GAS7: variants seen among roughly 807,000 people sequenced by gnomAD.
GAS7 encodes growth arrest specific 7.
In GAS7, 28 loss-of-function variants were observed where a neutral mutation model predicts 71.1. The ratio of observed to expected loss-of-function variants is 0.39; its 90% CI spans 0.29 to 0.54. GAS7 has a LOEUF of 0.54. Ranked by LOEUF, GAS7 falls within the 20% of genes least tolerant of loss-of-function variation. GAS7 has a pLI of 0.62. For missense variants in GAS7, 436 were observed against 627.8 expected (o/e 0.69, Z 3.27); for synonymous variants, 258 against 245.8 (o/e 1.05, Z -0.46).
chr17:10,018,828 G>A (rs917938857), intron 2 of GAS7, among the ~76,000 whole-genome samples: 11 of 152,188 alleles, frequency 7.2e-5, no homozygotes, highest in Non-Finnish European at 1.3e-4. Context: ...GGAGTGAGAG[G>A]CCAAGGCTGA....
chr17:10,124,746 T>C (rs2073931580), intron 1 of GAS7, among the ~76,000 whole-genome samples: 2 of 151,946 alleles, frequency 1.3e-5, no homozygotes, highest in South Asian at 4.2e-4. Context: ...GGTGAAACCC[T>C]GTCTCTACTA....
At chr17:10,185,895 T>A (rs973407708) in intron 1 of GAS7, among the ~76,000 whole-genome samples, 1 of 151,636 alleles carries the variant, frequency 6.6e-6, no homozygotes, top group South Asian at 2.1e-4. Flanking sequence ...AGCAGAGAGT[T>A]TGGTTTTTTC....
At chr17:10,124,897 GAC>G (rs771266083) in intron 1 of GAS7, among the ~76,000 whole-genome samples, 5 of 152,042 alleles carry the variant, frequency 3.3e-5, no homozygotes, top group African/African-American at 7.3e-5. Flanking sequence ...CAGCCTGGGT[GAC>G]AGAGTGAGAA....
At chr17:10,127,127 T>C (rs766935193) in intron 1 of GAS7, among the ~76,000 whole-genome samples, 1 of 152,192 alleles carries the variant, frequency 6.6e-6, no homozygotes, top group Non-Finnish European at 1.5e-5. Context: ...CAGCTGGCCA[T>C]GTGTTCCCAA....
chr17:10,128,558 C>T (rs1303096006), intron 1 of GAS7, among the ~76,000 whole-genome samples: 1 of 152,104 alleles, frequency 6.6e-6, no homozygotes, highest in African/African-American at 2.4e-5. Flanking sequence ...TCATTACTTA[C>T]ATTTATGCAA....
chr17:10,063,866 G>A (rs143758115), intron 1 of GAS7, among the ~76,000 whole-genome samples: 5 of 152,280 alleles, frequency 3.3e-5, no homozygotes, highest in Non-Finnish European at 7.4e-5. Context: ...GGTGGTGAGG[G>A]GGGCAGAGGA....
chr17:10,074,266 A>G (rs937255250), intron 1 of GAS7, among the ~76,000 whole-genome samples: 2 of 152,026 alleles, frequency 1.3e-5, no homozygotes, highest in African/African-American at 4.8e-5. Context: ...TTTCTGCTGG[A>G]TTGATTGCAT....
chr17:9,943,343 C>T, intron 6 of GAS7, 107 bp from the exon 7 acceptor site: 2 of 722,356 alleles, frequency 2.8e-6, no homozygotes, highest in Non-Finnish European at 2.5e-6. Context: ...CAATCCCAGT[C>T]CAGCACAAGA....
intron 2 of GAS7, among the ~76,000 whole-genome samples, chr17:10,014,298 A>G (rs1597689439): frequency 6.6e-6 from 1 of 152,178 alleles, no homozygotes; most frequent in East Asian, 1.9e-4. Flanking sequence ...CTGCTGTAGA[A>G]TTGGTGTTTG....
chr17:10,022,662 A>G (rs139873585), intron 1 of GAS7, among the ~76,000 whole-genome samples: 322 of 152,238 alleles, frequency 2.1e-3, no homozygotes, highest in African/African-American at 7.4e-3. Flanking sequence ...ACAATACGTA[A>G]CTCAGCACCT....
chr17:10,005,324 T>TACACACACACACAC (rs1488449808), intron 2 of GAS7, among the ~76,000 whole-genome samples: 52 of 146,634 alleles, frequency 3.5e-4, no homozygotes, highest in African/African-American at 1.3e-3. Context: ...CACACATATA[T>TACACACACACACAC]ATATACACAC....
chr17:10,096,028 C>G (rs979417236), intron 1 of GAS7, among the ~76,000 whole-genome samples: 8 of 152,070 alleles, frequency 5.3e-5, no homozygotes, highest in Non-Finnish European at 1.0e-4. Context: ...CTGCTTTCTC[C>G]CCCACAGCAT....
intron 1 of GAS7, among the ~76,000 whole-genome samples, chr17:10,080,699 C>T (rs1696448433): frequency 6.6e-6 from 1 of 152,156 alleles, no homozygotes; most frequent in Non-Finnish European, 1.5e-5. Context: ...AATCTCAAAA[C>T]GTAGTGCCAT....
At chr17:9,957,575 CT>C (rs982025674) in intron 5 of GAS7, among the ~76,000 whole-genome samples, 8 of 151,790 alleles carry the variant, frequency 5.3e-5, no homozygotes, top group African/African-American at 1.9e-4. Context: ...CCACTCCGAC[CT>C]CCCCCCCTTT....
rs1400844156 is a variant in GAS7 at position 9,919,033 on chromosome 17, G to A, written c.1218+593C>T. On this transcript the variant is annotated intron_variant, in intron 12 of 13. Coordinates refer to ENST00000432992, the MANE Select transcript of GAS7 (RefSeq NM_201433.2). The surrounding 1 kb of genome is among the most constrained non-coding windows in gnomAD (Gnocchi z 5.0). ...TGATCCGATGAGCACCTGGCATGAT[G>A]CCTCCTGTCCCATCTGGCCCAAGTA... Among the ~76,000 whole-genome samples, 1 of 152,144 alleles carries A rather than the reference G, an allele frequency of 6.6e-6. No homozygotes were observed. The highest frequency in any genetic ancestry group is 1.9e-4 in the East Asian group (1 of 5,182).
chr17:9,931,992 G>A (rs1372806975), intron 9 of GAS7, among the ~76,000 whole-genome samples: 1 of 152,164 alleles, frequency 6.6e-6, no homozygotes, highest in Non-Finnish European at 1.5e-5. Flanking sequence ...GGACCAGTGA[G>A]TGCTGAACGT....
At chr17:9,965,469 A>G (rs917913142) in intron 4 of GAS7, among the ~76,000 whole-genome samples, 1 of 152,094 alleles carries the variant, frequency 6.6e-6, no homozygotes, top group Non-Finnish European at 1.5e-5. Context: ...CAATGGGACC[A>G]TATGGACACC....
At chr17:10,024,768 G>T (rs916692571) in intron 1 of GAS7, among the ~76,000 whole-genome samples, 1 of 152,076 alleles carries the variant, frequency 6.6e-6, no homozygotes, top group African/African-American at 2.4e-5. Flanking sequence ...GAAGGCTATG[G>T]ATCTTCTGTC....
At chr17:10,195,797 A>C (rs1203587689) in intron 1 of GAS7, among the ~76,000 whole-genome samples, 2 of 152,070 alleles carry the variant, frequency 1.3e-5, no homozygotes, top group Non-Finnish European at 2.9e-5. Flanking sequence ...CTCTGCTTGC[A>C]TGTCCTCTAT....
Sources: gnomAD v4.1 joint callset for allele counts (sites outside exome capture counted in the v4.1 genomes callset) on GRCh38, gnomAD v4.1.1 for gene constraint, Gnocchi (gnomAD v3.1) non-coding constraint, MANE v1.5 for transcripts, NCBI Gene and HGNC (gene_info 2026-07-23, HGNC 2026-07-21) for gene names.